Variants in SP1 observed in about 807,000 individuals in gnomAD.
SP1 encodes Sp1 transcription factor, also known as transcription factor Sp1.
SP1 carries 6 observed loss-of-function variants against 66.3 expected under a neutral mutation model. The observed-to-expected ratio is 0.09, with a 90% CI of 0.05 to 0.18. SP1 has a LOEUF of 0.18. SP1 is among the 10% of genes least tolerant of loss of function. SP1 has a pLI of 1.00. For missense variants in SP1, 848 were observed against 964.5 expected, an observed-to-expected ratio of 0.88 and a Z score of 1.60; for synonymous variants, 417 against 360.8, an observed-to-expected ratio of 1.16 and a Z score of -1.77.
chr12:53,383,644 A>C, intron 3 of SP1, 22 bp downstream of exon 3: 1 of 1,571,622 alleles, frequency 6.4e-7, no homozygotes, highest in Non-Finnish European at 8.6e-7. Context: ...AATCTTGTGC[A>C]TTTATTGGGA....
At chr12:53,387,097 C>T (rs117167608) in intron 3 of SP1, among the ~76,000 whole-genome samples, 11,991 of 151,756 alleles carry the variant, frequency 0.079, 636 homozygotes, top group Non-Finnish European at 0.12. Context: ...ATTACAGGCA[C>T]GTCCCACCAT....
rs1938941959 is a variant in SP1, at chr12:53,413,747, A to G, written c.*2507A>G. ...GGAATGTACAGTATTTTGCTAGTGC[A>G]TTTCAAGGAATGGAATCTTCTCCAG... On this transcript the variant is annotated 3_prime_UTR_variant, in exon 6 of 6. Transcript: ENST00000327443. 6.6e-6 allele frequency: 1 copy of G among 152,500 alleles called. No individual in the cohort carries two copies. Among genetic ancestry groups the G allele is most frequent in the Admixed American group, 6.5e-5 (1 of 15,268 alleles). 9.4% of individuals were successfully genotyped at this position (152,500 alleles called of 1,614,324 possible).
intron 3 of SP1, among the ~76,000 whole-genome samples, chr12:53,390,637 C>T (rs1044390942): frequency 1.3e-5 from 2 of 151,712 alleles, no homozygotes; most frequent in Non-Finnish European, 1.5e-5. Context: ...GAGCCGGGAT[C>T]GCACCACTGC....
chr12:53,411,837 C>G lies in SP1; in HGVS notation c.*597C>G, dbSNP rs1467193509. 6.6e-6 allele frequency: 1 copy of G among 152,382 alleles called. No individual in the cohort carries two copies. The highest frequency in any genetic ancestry group is 2.4e-5 in the African/African-American group (1 of 41,390). 9.4% of individuals were successfully genotyped at this position (152,382 alleles called of 1,614,324 possible). ...CTGTAGATGTTGTCTTGGCTTCCCA[C>G]CAGCTTAAGCGTTCATATGCTCTGC... is the stretch of plus-strand genomic sequence containing the variant. On this transcript the variant is annotated 3_prime_UTR_variant, in exon 6 of 6. Transcript: ENST00000327443.
chr12:53,397,909 T>C (rs1404246458), intron 3 of SP1, among the ~76,000 whole-genome samples: 1 of 152,206 alleles, frequency 6.6e-6, no homozygotes, highest in Non-Finnish European at 1.5e-5. Flanking sequence ...TTACAAATAC[T>C]AGTAAAGCCC....
chr12:53,391,645 T>G (rs570311360), intron 3 of SP1, among the ~76,000 whole-genome samples: 6 of 151,956 alleles, frequency 3.9e-5, no homozygotes, highest in South Asian at 4.2e-4. Context: ...ATTTCAACTT[T>G]TATTTTGTTT....
intron 3 of SP1, among the ~76,000 whole-genome samples, chr12:53,385,115 C>T (rs1331011321): frequency 2.7e-5 from 4 of 148,844 alleles, no homozygotes; most frequent in Non-Finnish European, 5.9e-5. Context: ...GCCAGCATGG[C>T]GAAACCCCTT....
At chr12:53,406,065 C>CTTTTTTTTTTT (rs1170832065) in intron 3 of SP1, among the ~76,000 whole-genome samples, 4 of 82,412 alleles carry the variant, frequency 4.9e-5, no homozygotes, top group Non-Finnish European at 1.0e-4. Flanking sequence ...TATTTTCTTT[C>CTTTTTTTTTTT]TTTTTTTTTT....
chr12:53,383,082 T>C lies in SP1; in HGVS notation c.1135T>C (p.Ser379Pro), dbSNP rs559383202. The change falls in exon 3 of 6, where the codon TCA (serine) becomes CCA (proline). Residue 379 changes from serine to proline, a missense_variant. Physicochemically the swap from Ser to Pro is moderately conservative, Grantham distance 74. Coordinates refer to ENST00000327443, the MANE Select transcript of SP1 (RefSeq NM_138473.3). ...CCAGCAAAACCAGACATCTGGAGGCTCATTGCAAGCAGGCCAGCAAAAAGA... is the reference window on the plus strand; with the variant it reads ...CCAGCAAAACCAGACATCTGGAGGCCCATTGCAAGCAGGCCAGCAAAAAGA... Reference protein sequence around the residue: ...NIQQNQTSGGSLQAGQQKEGE... With the variant: ...NIQQNQTSGGPLQAGQQKEGE... 58 of 1,614,060 alleles carry C rather than the reference T, an allele frequency of 3.6e-5. 1 individual carries two copies. The South Asian group carries it at 6.0e-4, about 17-fold the overall frequency.
chr12:53,401,177 C>A (rs899042710), intron 3 of SP1, among the ~76,000 whole-genome samples: 1 of 151,948 alleles, frequency 6.6e-6, no homozygotes, highest in South Asian at 2.1e-4. Context: ...TCTGGCCTGG[C>A]ACGGTGGCAC....
In SP1 at chr12:53,382,737, A is replaced by G; in HGVS notation, c.790A>G (p.Ile264Val). Residue 264 changes from isoleucine to valine, a missense_variant, in exon 3 of 6, where the codon ATC (isoleucine) becomes GTC (valine). By Grantham distance (29) the Ile-to-Val change is conservative. Around this residue, in one of 7 missense-constraint regions of SP1, gnomAD observed 606 missense variants for 589.9 expected, o/e 1.03. Coordinates refer to ENST00000327443, the MANE Select transcript of SP1 (RefSeq NM_138473.3). ...TNVPVALNGN[I>V]TLLPVNSVSA... ...TGTACCAGTGGCCCTGAATGGGAAC[A>G]TCACCTTGCTACCTGTCAACAGCGT... The G allele has an allele frequency of 6.2e-7, 1 of 1,614,178 alleles. No homozygotes were observed. The highest frequency in any genetic ancestry group is 1.7e-5 in the Admixed American group (1 of 60,004).
At chr12:53,388,721 T>A (rs1938281700) in intron 3 of SP1, among the ~76,000 whole-genome samples, 1 of 152,188 alleles carries the variant, frequency 6.6e-6, no homozygotes, top group Non-Finnish European at 1.5e-5. Context: ...GGCTCATGCC[T>A]GTAATCCCAG....
intron 3 of SP1, among the ~76,000 whole-genome samples, chr12:53,403,526 T>G (rs1938659289): frequency 6.6e-6 from 1 of 151,648 alleles, no homozygotes; most frequent in South Asian, 2.1e-4. Flanking sequence ...CTAATTTTTT[T>G]TTTTTTTTGT....
rs1478109257 is a variant in SP1 at position 53,380,184 on chromosome 12, CT to C, written c.-107del. The C allele has an allele frequency of 1.7e-4, 134 of 770,012 alleles. No homozygotes were observed. Among genetic ancestry groups the C allele is most frequent in the African/African-American group, 1.0e-3 (61 of 58,218 alleles). 47.7% of individuals were successfully genotyped at this position (770,012 alleles called of 1,614,324 possible). ...GCTGCTCCCTCCTCCTTACCCCCCC[CT>C]CCCTGTCCGGTCCGGGTTCGCTTGC... On this transcript the variant is annotated 5_prime_UTR_variant, in exon 1 of 6. Coordinates refer to ENST00000327443, the MANE Select transcript of SP1 (RefSeq NM_138473.3).
At chr12:53,393,120 C>T (rs1592562008) in intron 3 of SP1, among the ~76,000 whole-genome samples, 1 of 152,030 alleles carries the variant, frequency 6.6e-6, no homozygotes, top group African/African-American at 2.4e-5. Flanking sequence ...CCACGCCTGG[C>T]CTAGAAGGAG....
Position 53,413,222 on chromosome 12 carries a change from C to T in SP1, c.*1982C>T, listed in dbSNP as rs545704264. ...CCTGGGTATGTTCCTAAGGTCATTT[C>T]TTTGCTTATGCTAAATTAATTACAA... is the stretch of plus-strand genomic sequence containing the variant. On this transcript the variant is annotated 3_prime_UTR_variant, in exon 6 of 6. Transcript: ENST00000327443. 2 of 152,560 alleles carry T rather than the reference C, an allele frequency of 1.3e-5. No individual in the cohort carries two copies. Among genetic ancestry groups the T allele is most frequent in the South Asian group, 2.1e-4 (1 of 4,826 alleles). 9.5% of individuals were successfully genotyped at this position (152,560 alleles called of 1,614,324 possible). A position where few individuals can be genotyped will look rare whatever the true frequency, so the allele number is the denominator to read the frequency against.
At chr12:53,409,309 G>A (rs1938826886) in intron 4 of SP1, 53 bp from the exon 5 acceptor site, 4 of 1,463,510 alleles carry the variant, frequency 2.7e-6, no homozygotes, top group Non-Finnish European at 3.8e-6. Flanking sequence ...ATACTTTGTG[G>A]TTCTTTAGTT....
rs751584099 is a variant in SP1, at chr12:53,383,356, A to G, written c.1409A>G (p.Gln470Arg). ...GQVSWQTLQL[Q>R]NLQVQNPQAQ... Reference sequence around the variant, plus strand: ...GTCAGTTGGCAGACTCTACAGCTGCAGAACCTCCAAGTTCAGAACCCACAA... The same window carrying G: ...GTCAGTTGGCAGACTCTACAGCTGCGGAACCTCCAAGTTCAGAACCCACAA... Residue 470 changes from glutamine to arginine, a missense_variant, in exon 3 of 6, where the codon CAG becomes CGG. Physicochemically the swap from Gln to Arg is conservative, Grantham distance 43. Coordinates refer to ENST00000327443, the MANE Select transcript of SP1 (RefSeq NM_138473.3). The G allele has an allele frequency of 6.2e-7, 1 of 1,614,252 alleles. No homozygotes were observed. The highest frequency in any genetic ancestry group is 8.5e-7 in the Non-Finnish European group (1 of 1,180,046).
intron 3 of SP1, 76 bp downstream of exon 3, chr12:53,383,698 A>G: frequency 8.4e-7 from 1 of 1,193,484 alleles, no homozygotes; most frequent in Non-Finnish European, 1.2e-6. Context: ...TAAAGAAAGG[A>G]ATAGAGCCTT....
Sources: allele counts gnomAD v4.1 joint callset (sites outside exome capture counted in the v4.1 genomes callset), GRCh38; gene constraint gnomAD v4.1.1; regional missense constraint gnomAD v4.1.1; transcripts MANE v1.5; gene names NCBI Gene and HGNC (gene_info 2026-07-23, HGNC 2026-07-21).